The following TCN2 variants were observed in gnomAD, a reference collection of about 807,000 sequenced individuals.
TCN2 encodes the protein transcobalamin-2.
TCN2 carries 34 observed loss-of-function variants against 48.6 expected under a neutral mutation model. The ratio of observed to expected loss-of-function variants is 0.70; its 90% CI spans 0.53 to 0.93. The LOEUF (loss-of-function observed/expected upper bound fraction) is 0.93. Among genes scored for constraint, TCN2 ranks in the 40% least tolerant of loss-of-function variants. TCN2 has a pLI of 0.00. For missense variants in TCN2, 652 were observed against 526.1 expected (o/e 1.24, Z -2.34); for synonymous variants, 283 against 212.5 (o/e 1.33, Z -2.89).
At chr22:30,618,264 T>G (rs917076755) in intron 7 of TCN2, among the ~76,000 whole-genome samples, 14 of 89,846 alleles carry the variant, frequency 1.6e-4, no homozygotes, top group African/African-American at 4.3e-4. Flanking sequence ...TAATAACTGG[T>G]TTTTTTTGTT....
intron 6 of TCN2, among the ~76,000 whole-genome samples, chr22:30,616,849 A>G (rs1024852967): frequency 1.3e-5 from 2 of 152,182 alleles, no homozygotes; most frequent in East Asian, 3.8e-4. Flanking sequence ...GGCAGGAAGA[A>G]CAAAGACACA....
Position 30,623,087 on chromosome 22 carries a change from A to T in TCN2, c.1222+4A>T, listed in dbSNP as rs2087722286. The T allele has an allele frequency of 6.2e-7, 1 of 1,613,772 alleles. No homozygotes were observed. The highest frequency in any genetic ancestry group is 1.1e-5 in the South Asian group (1 of 91,060). On this transcript the variant is annotated splice_donor_region_variant and intron_variant, in intron 8 of 8. Coordinates refer to ENST00000215838, the MANE Select transcript of TCN2 (RefSeq NM_000355.4). ...CCCAACACCCCACTGTTGCAAGGTGAGTCATGGCCTGACACTCTGGATGTG... is the reference window on the plus strand; with the variant it reads ...CCCAACACCCCACTGTTGCAAGGTGTGTCATGGCCTGACACTCTGGATGTG...
chr22:30,609,360 G>A (rs938242588), intron 1 of TCN2, among the ~76,000 whole-genome samples: 6 of 152,048 alleles, frequency 3.9e-5, no homozygotes, highest in Non-Finnish European at 8.8e-5. Context: ...TGGGTTGGTA[G>A]GGCGAGAGCT....
chr22:30,614,870 C>CT (rs373308609), intron 4 of TCN2, among the ~76,000 whole-genome samples: 11 of 152,176 alleles, frequency 7.2e-5, no homozygotes, highest in African/African-American at 2.7e-4. Flanking sequence ...GATCGCACCA[C>CT]TGCCCTCCAG....
chr22:30,618,798 C>T (rs1312386737), intron 7 of TCN2, among the ~76,000 whole-genome samples: 1 of 151,970 alleles, frequency 6.6e-6, no homozygotes, highest in Non-Finnish European at 1.5e-5. Flanking sequence ...GAGATGGAGT[C>T]TCCCTCTGTC....
intron 1 of TCN2, 85 bp from the exon 2 acceptor site, chr22:30,610,786 C>T: frequency 6.8e-7 from 1 of 1,462,442 alleles, no homozygotes; most frequent in Non-Finnish European, 9.6e-7. Flanking sequence ...CATGTATTCT[C>T]TGGAGAAGGC....
chr22:30,625,413 AAT>A (rs1361048780), intron 8 of TCN2, among the ~76,000 whole-genome samples: 6 of 131,614 alleles, frequency 4.6e-5, no homozygotes, highest in Admixed American at 7.7e-5. Context: ...AAAAAAAAAA[AAT>A]ATTTTCCTGG....
At chr22:30,621,078 C>T (rs555445215) in intron 7 of TCN2, among the ~76,000 whole-genome samples, 24 of 152,106 alleles carry the variant, frequency 1.6e-4, no homozygotes, top group Non-Finnish European at 3.5e-4. Flanking sequence ...CTGCAACCTC[C>T]ACCTCCTGGG....
At position 30,625,470 on chromosome 22, in the gene TCN2, T is replaced by A. The variant is rs182224918; in HGVS notation, c.1223-990T>A. Among the ~76,000 whole-genome samples, 517 of 149,258 alleles carry A rather than the reference T, an allele frequency of 3.5e-3. 2 individuals carry two copies. The East Asian group carries it at 0.037, about 11-fold the overall frequency. On this transcript the variant is annotated intron_variant, in intron 8 of 8. Transcript: ENST00000215838. ...CCTCTTTTATAATGGTACTTAAAAA[T>A]TTTTTTTTTTGAGATGGGGGTCTCA...
intron 7 of TCN2, among the ~76,000 whole-genome samples, chr22:30,622,672 GC>G (rs567140862): frequency 6.6e-5 from 10 of 152,114 alleles, no homozygotes; most frequent in Admixed American, 3.3e-4. Flanking sequence ...CATAACATCA[GC>G]CCCCCAGAGA....
chr22:30,622,597 C>T (rs1377679891), intron 7 of TCN2, among the ~76,000 whole-genome samples: 1 of 152,174 alleles, frequency 6.6e-6, no homozygotes, highest in Admixed American at 6.5e-5. Context: ...ATGCAGGCTT[C>T]ACCCTCTCTC....
chr22:30,624,710 C>T (rs1017189909), intron 8 of TCN2, among the ~76,000 whole-genome samples: 2 of 152,142 alleles, frequency 1.3e-5, no homozygotes, highest in African/African-American at 4.8e-5. Context: ...TCCCCCTCTG[C>T]CCTTGAGTCT....
intron 7 of TCN2, chr22:30,617,713 G>GC: frequency 6.4e-6 from 4 of 621,376 alleles, no homozygotes; most frequent in East Asian, 3.1e-5. Context: ...TGGAGGCAGA[G>GC]CCCCCCAGTT....
intron 1 of TCN2, among the ~76,000 whole-genome samples, chr22:30,608,739 A>C (rs910295227): frequency 9.2e-5 from 14 of 152,186 alleles, no homozygotes; most frequent in African/African-American, 3.4e-4. Flanking sequence ...CAGACACCTC[A>C]GGTCTGGGCC....
intron 7 of TCN2, among the ~76,000 whole-genome samples, chr22:30,620,156 T>G (rs1044488411): frequency 6.6e-6 from 1 of 151,958 alleles, no homozygotes; most frequent in African/African-American, 2.4e-5. Context: ...TTTTTTTTTT[T>G]TTAAAAGACA....
intron 7 of TCN2, among the ~76,000 whole-genome samples, chr22:30,618,622 A>AT (rs1273160925): frequency 1.3e-5 from 2 of 152,104 alleles, no homozygotes; most frequent in Non-Finnish European, 2.9e-5. Context: ...AAGTGCTGGG[A>AT]TTACAGGCAT....
intron 1 of TCN2, among the ~76,000 whole-genome samples, chr22:30,608,198 G>C (rs1338083065): frequency 1.3e-5 from 2 of 152,130 alleles, no homozygotes; most frequent in South Asian, 4.1e-4. Flanking sequence ...CTAGGATTAC[G>C]TTGAGCAATA....
Position 30,623,010 on chromosome 22 carries a change from C to G in TCN2, c.1149C>G (p.Ser383=). 2 of 1,614,104 alleles carry G rather than the reference C, an allele frequency of 1.2e-6. No homozygotes were observed. The highest frequency in any genetic ancestry group is 1.7e-6 in the Non-Finnish European group (2 of 1,180,028). The change falls in exon 8 of 9, where the codon TCC becomes TCG. Residue 383 remains serine, a synonymous_variant. Coordinates refer to ENST00000215838, the MANE Select transcript of TCN2 (RefSeq NM_000355.4). ...CCTTGTCAGGCCCCTACTTAACCTC[C>G]GTGATGGGGAAAGCGGCCGGAGAAA... ...QASLSGPYLT[S]VMGKAAGERE... is the part of the protein sequence containing the mutation.
At chr22:30,616,199 A>G (rs951942889) in intron 6 of TCN2, among the ~76,000 whole-genome samples, 2 of 152,142 alleles carry the variant, frequency 1.3e-5, no homozygotes, top group African/African-American at 4.8e-5. Flanking sequence ...GAATGGAGAA[A>G]GAGGCCAGGT....
Sources: gnomAD v4.1 joint callset for allele counts (sites outside exome capture counted in the v4.1 genomes callset) on GRCh38, gnomAD v4.1.1 for gene constraint, MANE v1.5 for transcripts, NCBI Gene and HGNC (gene_info 2026-07-23, HGNC 2026-07-21) for gene names.